Variants in SDCCAG8 observed in about 807,000 individuals in gnomAD.
The protein encoded by SDCCAG8 is SHH signaling and ciliogenesis regulator SDCCAG8, also known as serologically defined colon cancer antigen 8.
A neutral mutation model predicts 101.8 loss-of-function variants in SDCCAG8; 74 were observed. The observed-to-expected ratio is 0.73, with a 90% CI of 0.60 to 0.88. The LOEUF (loss-of-function observed/expected upper bound fraction) is 0.88. SDCCAG8 is among the 40% of genes least tolerant of loss of function. SDCCAG8 has a pLI of 0.00. For missense variants in SDCCAG8, 787 were observed against 822.6 expected (o/e 0.96, Z 0.53); for synonymous variants, 281 against 292.9 (o/e 0.96, Z 0.41).
At chr1:243,308,889 C>G (rs1382009657) in intron 8 of SDCCAG8, among the ~76,000 whole-genome samples, 1 of 152,174 alleles carries the variant, frequency 6.6e-6, no homozygotes, top group Non-Finnish European at 1.5e-5. Context: ...ATGCCCCCTA[C>G]TTTTCTTTGT....
chr1:243,467,024 T>G (rs576845465), intron 16 of SDCCAG8, among the ~76,000 whole-genome samples: 1 of 152,206 alleles, frequency 6.6e-6, no homozygotes, highest in Non-Finnish European at 1.5e-5. Flanking sequence ...CCTTTCTAGA[T>G]GCCTTCAAGA....
intron 5 of SDCCAG8, among the ~76,000 whole-genome samples, chr1:243,290,290 A>G (rs892648915): frequency 6.6e-5 from 10 of 152,050 alleles, no homozygotes; most frequent in African/African-American, 2.4e-4. Context: ...TTTTAAAAAC[A>G]TCTTGGTTAA....
rs61021064 is a variant in SDCCAG8 at position 243,324,480 on chromosome 1, T to TTC, written c.1069-6060_1069-6059insTC. Among the ~76,000 whole-genome samples the TTC allele has an allele frequency of 2.7e-5, 4 of 149,252 alleles. No homozygotes were observed. The East Asian group carries it at 5.9e-4, about 22-fold the overall frequency. On this transcript the variant is annotated intron_variant, in intron 9 of 17. Transcript: ENST00000366541. The stretch of plus-strand genomic sequence containing the variant: ...CATGCTTTTTTTTTTTTTTTTTTTT[T>TTC]CAGAGACAGGGCCTCACTCTGTCAC...
intron 1 of SDCCAG8, among the ~76,000 whole-genome samples, chr1:243,259,401 T>C (rs893061825): frequency 2.0e-5 from 3 of 151,530 alleles, no homozygotes; most frequent in East Asian, 2.0e-4. Flanking sequence ...AGCGAGACTC[T>C]GTCTCAAAAA....
intron 12 of SDCCAG8, 21 bp from the exon 13 acceptor site, chr1:243,378,700 T>C (rs1235738712): frequency 6.2e-7 from 1 of 1,613,152 alleles, no homozygotes; most frequent in Admixed American, 1.7e-5. Flanking sequence ...TGGATGCTTT[T>C]TCCCCTTCTC....
intron 9 of SDCCAG8, chr1:243,318,506 T>C: frequency 1.0e-6 from 1 of 977,222 alleles, no homozygotes; most frequent in Non-Finnish European, 1.2e-6. Flanking sequence ...GAACCTAAAA[T>C]AAAAGTTAAA....
chr1:243,419,147 A>G (rs2080811658), intron 15 of SDCCAG8, among the ~76,000 whole-genome samples: 1 of 151,766 alleles, frequency 6.6e-6, no homozygotes, highest in Non-Finnish European at 1.5e-5. Flanking sequence ...CGTGCATCCA[A>G]CTCTCCCTGC....
intron 16 of SDCCAG8, among the ~76,000 whole-genome samples, chr1:243,455,265 C>A (rs1024476285): frequency 6.6e-6 from 1 of 152,024 alleles, no homozygotes; most frequent in Non-Finnish European, 1.5e-5. Context: ...TTCCATCTAT[C>A]TTTATTTTTG....
chr1:243,440,943 G>T (rs1164718816), intron 16 of SDCCAG8, among the ~76,000 whole-genome samples: 4 of 152,218 alleles, frequency 2.6e-5, no homozygotes, highest in Admixed American at 1.3e-4. Context: ...TCTATTCCTG[G>T]TGATATTTTC....
intron 12 of SDCCAG8, among the ~76,000 whole-genome samples, chr1:243,372,570 G>A (rs1282764207): frequency 6.6e-6 from 1 of 151,912 alleles, no homozygotes; most frequent in African/African-American, 2.4e-5. Flanking sequence ...TTCTTTTAAT[G>A]AAACTTTTTA....
intron 17 of SDCCAG8, among the ~76,000 whole-genome samples, chr1:243,492,762 C>T (rs1165975527): frequency 6.6e-6 from 1 of 151,720 alleles, no homozygotes; most frequent in Non-Finnish European, 1.5e-5. Context: ...TGCCTGCCAC[C>T]ACGCCTGGCT....
intron 15 of SDCCAG8, among the ~76,000 whole-genome samples, chr1:243,422,648 G>A (rs1294969234): frequency 1.3e-5 from 2 of 152,064 alleles, no homozygotes; most frequent in African/African-American, 4.8e-5. Flanking sequence ...GATGATGTTA[G>A]GTTGGGATAC....
intron 9 of SDCCAG8, among the ~76,000 whole-genome samples, chr1:243,323,693 C>G (rs6701247): frequency 0.044 from 6,690 of 152,222 alleles, 286 homozygotes; most frequent in African/African-American, 0.12. Flanking sequence ...GCATCGCAGC[C>G]AGGCTTTGAA....
At chr1:243,358,272 G>A (rs780283102) in intron 12 of SDCCAG8, among the ~76,000 whole-genome samples, 2 of 151,824 alleles carry the variant, frequency 1.3e-5, no homozygotes, top group Admixed American at 6.6e-5. Context: ...TTTTAAATGG[G>A]CAAAAGATCC....
intron 12 of SDCCAG8, among the ~76,000 whole-genome samples, chr1:243,355,491 G>A (rs2076333864): frequency 6.6e-6 from 1 of 152,200 alleles, no homozygotes; most frequent in Non-Finnish European, 1.5e-5. Context: ...GGAAACGAGG[G>A]AGGTAAAAAT....
At chr1:243,429,310 TATAAC>T (rs1286964547) in intron 16 of SDCCAG8, among the ~76,000 whole-genome samples, 4 of 152,204 alleles carry the variant, frequency 2.6e-5, no homozygotes, top group African/African-American at 9.7e-5. Context: ...GTATAACACA[TATAAC>T]ATATAAATAT....
rs79749174 is a variant in SDCCAG8, at chr1:243,290,049, G to T, written c.547-3042G>T. On this transcript the variant is annotated intron_variant, in intron 5 of 17. Coordinates refer to ENST00000366541, the MANE Select transcript of SDCCAG8 (RefSeq NM_006642.5). ...TTTCCTCATGGAAAGCTTTTCTCTAGAGTTCACAAAATCAAAATAATACGA... is the reference window on the plus strand; with the variant it reads ...TTTCCTCATGGAAAGCTTTTCTCTATAGTTCACAAAATCAAAATAATACGA... Among the ~76,000 whole-genome samples the T allele has an allele frequency of 4.1e-3, 620 of 151,964 alleles. 7 individuals are homozygous for T. The highest frequency in any genetic ancestry group is 0.014 in the African/African-American group (570 of 41,420).
At chr1:243,364,058 T>G (rs2076864141) in intron 12 of SDCCAG8, among the ~76,000 whole-genome samples, 1 of 152,210 alleles carries the variant, frequency 6.6e-6, no homozygotes. Flanking sequence ...GTGAGTTTTC[T>G]AAGAACTCCC....
chr1:243,358,468 C>T (rs926105005), intron 12 of SDCCAG8, among the ~76,000 whole-genome samples: 7 of 152,022 alleles, frequency 4.6e-5, no homozygotes, highest in South Asian at 2.1e-4. Context: ...TAACAAGTGT[C>T]GGTGAGGATG....
Sources: gnomAD v4.1 joint callset for allele counts (sites outside exome capture counted in the v4.1 genomes callset) on GRCh38, gnomAD v4.1.1 for gene constraint, MANE v1.5 for transcripts, NCBI Gene and HGNC (gene_info 2026-07-23, HGNC 2026-07-21) for gene names.